The following ACTR3C variants were observed in gnomAD, a reference collection of about 807,000 sequenced individuals.
The protein encoded by ACTR3C is actin-related protein 3C.
ACTR3C carries 18 observed loss-of-function variants against 26.3 expected under a neutral mutation model. The observed-to-expected ratio is 0.68, with a 90% CI of 0.47 to 1.01. The LOEUF (loss-of-function observed/expected upper bound fraction) is 1.01. ACTR3C is among the 50% of genes least tolerant of loss of function. The pLI is 0.00. For synonymous variants in ACTR3C, 55 were observed against 94.5 expected, an observed-to-expected ratio of 0.58 and a Z score of 2.42; for missense variants, 184 against 250.7, an observed-to-expected ratio of 0.73 and a Z score of 1.80.
chr7:150,067,110 G>A, the ACTR3C span, among the ~76,000 whole-genome samples: 2 of 152,246 alleles, frequency 1.3e-5, no homozygotes, highest in Non-Finnish European at 2.9e-5. Flanking sequence ...TCTTCATGAG[G>A]AGGATGTAGA....
intron 6 of ACTR3C, among the ~76,000 whole-genome samples, chr7:150,255,723 T>C (rs1833173192): frequency 6.6e-6 from 1 of 152,284 alleles, no homozygotes; most frequent in East Asian, 1.9e-4. Context: ...TTTCACCTTA[T>C]AGTATAATTT....
At chr7:150,150,277 G>T in the ACTR3C span, among the ~76,000 whole-genome samples, 501 of 152,282 alleles carry the variant, frequency 3.3e-3, 5 homozygotes, top group East Asian at 0.049. Context: ...CCCCATATGG[G>T]TAAGCCATGC....
At chr7:149,941,140 G>A in the ACTR3C span, among the ~76,000 whole-genome samples, 1 of 152,208 alleles carries the variant, frequency 6.6e-6, no homozygotes, top group East Asian at 1.9e-4. Flanking sequence ...CCCAGCAACA[G>A]TGGGGCAAGG....
chr7:150,205,164 G>A, the ACTR3C span, among the ~76,000 whole-genome samples: 1 of 152,198 alleles, frequency 6.6e-6, no homozygotes, highest in African/African-American at 2.4e-5. Flanking sequence ...GAACTAGACA[G>A]AGTTTTGTTC....
chr7:150,080,946 A>G, the ACTR3C span, among the ~76,000 whole-genome samples: 5 of 152,218 alleles, frequency 3.3e-5, no homozygotes, highest in African/African-American at 9.6e-5. Context: ...CACCATCTTT[A>G]GAATTTGGAG....
the ACTR3C span, among the ~76,000 whole-genome samples, chr7:149,999,290 G>A: frequency 1.3e-5 from 2 of 150,800 alleles, no homozygotes; most frequent in South Asian, 2.1e-4. Flanking sequence ...AGAGGAATTC[G>A]ATCATCTGTT....
the ACTR3C span, among the ~76,000 whole-genome samples, chr7:150,038,894 C>CCT: frequency 1.3e-4 from 15 of 111,516 alleles, no homozygotes; most frequent in Non-Finnish European, 2.6e-4. Context: ...GGTGCCTCCC[C>CCT]CCTGCGATGG....
the ACTR3C span, among the ~76,000 whole-genome samples, chr7:150,118,643 C>T: frequency 6.9e-6 from 1 of 144,320 alleles, no homozygotes; most frequent in Non-Finnish European, 1.5e-5. Context: ...AGAATGGAAC[C>T]AAGTTGGAAA....
the ACTR3C span, among the ~76,000 whole-genome samples, chr7:149,908,097 C>T: frequency 9.9e-4 from 151 of 151,934 alleles, 1 homozygote; most frequent in Non-Finnish European, 4.0e-4. Flanking sequence ...GAGACACCAG[C>T]GAGGTCCCCA....
At chr7:150,182,089 C>G in the ACTR3C span, among the ~76,000 whole-genome samples, 2,200 of 150,578 alleles carry the variant, frequency 0.015, 66 homozygotes, top group Admixed American at 0.044. Flanking sequence ...CTCTTTCCTC[C>G]TTACTAAGTG....
chr7:150,186,396 A>G, the ACTR3C span, among the ~76,000 whole-genome samples: 1 of 152,176 alleles, frequency 6.6e-6, no homozygotes, highest in Non-Finnish European at 1.5e-5. Flanking sequence ...TTACAAGGAG[A>G]CACCAGGTTG....
the ACTR3C span, among the ~76,000 whole-genome samples, chr7:150,042,491 G>C: frequency 7.1e-6 from 1 of 141,584 alleles, no homozygotes. Context: ...CGCAGTCCCC[G>C]CCTCGCGGGG....
intron 1 of ACTR3C, among the ~76,000 whole-genome samples, chr7:150,298,420 A>T (rs1795125300): frequency 6.6e-6 from 1 of 150,614 alleles, no homozygotes; most frequent in African/African-American, 2.5e-5. Flanking sequence ...GTAGCATGCC[A>T]TACCAGTCCG....
chr7:150,020,012 C>T, the ACTR3C span, among the ~76,000 whole-genome samples: 1 of 152,102 alleles, frequency 6.6e-6, no homozygotes, highest in Non-Finnish European at 1.5e-5. Flanking sequence ...AATATGGTGT[C>T]TATGGAGTAT....
rs770080862 is a variant in ACTR3C at position 150,288,160 on chromosome 7, C to G, written c.297+1290G>C. Among the ~76,000 whole-genome samples the G allele has an allele frequency of 8.5e-5, 12 of 141,726 alleles. 2 individuals are homozygous for G. The highest frequency in any genetic ancestry group is 1.7e-4 in the African/African-American group (6 of 35,166). 93.0% of individuals were successfully genotyped at this position (141,726 alleles called of 152,430 possible). On this transcript the variant is annotated intron_variant, in intron 4 of 7. Coordinates refer to ENST00000683684, the MANE Select transcript of ACTR3C (RefSeq NM_001164458.2). ...AGGGCCAGGGCAGCTGATTCGGAGGCTACGAACAGTCTCTTTTACTCCCAG... is the reference window on the plus strand; with the variant it reads ...AGGGCCAGGGCAGCTGATTCGGAGGGTACGAACAGTCTCTTTTACTCCCAG...
rs950640251 is a variant in ACTR3C at position 150,286,375 on chromosome 7, G to T, written c.463C>A (p.His155Asn). Residue 155 changes from histidine (H) to asparagine (N), a missense_variant, in exon 5 of 8, where the codon CAC becomes AAC. By Grantham distance (68) the His-to-Asn change is moderately conservative. Coordinates refer to ENST00000683684, the MANE Select transcript of ACTR3C (RefSeq NM_001164458.2). ...AAAAAGAAACACCTTACCTCCGGGT[G>T]AAAGAATATTTCAGGTCCCAGGAAT... is the stretch of plus-strand genomic sequence containing the variant. Reference protein sequence around the residue: ...ERFLGPEIFFHPEFANPDSME... With the variant: ...ERFLGPEIFFNPEFANPDSME... 7.4e-6 allele frequency: 12 copies of T among 1,613,868 alleles called. No homozygotes were observed. The highest frequency in any genetic ancestry group is 9.3e-6 in the Non-Finnish European group (11 of 1,179,982).
the ACTR3C span, among the ~76,000 whole-genome samples, chr7:150,065,461 C>A: frequency 1.5e-4 from 23 of 152,310 alleles, no homozygotes; most frequent in South Asian, 8.3e-4. Context: ...AGCCTTCACG[C>A]CCTCATGAAG....
the ACTR3C span, among the ~76,000 whole-genome samples, chr7:150,155,866 T>C: frequency 6.7e-6 from 1 of 149,708 alleles, no homozygotes; most frequent in East Asian, 2.0e-4. Flanking sequence ...GCTGCCTTGG[T>C]TCTCTAATGC....
At chr7:150,021,786 G>C in the ACTR3C span, among the ~76,000 whole-genome samples, 1 of 151,992 alleles carries the variant, frequency 6.6e-6, no homozygotes, top group African/African-American at 2.4e-5. Flanking sequence ...AGGTTGCTGT[G>C]AATGCCATTG....
Sources: gnomAD v4.1 joint callset for allele counts (sites outside exome capture counted in the v4.1 genomes callset) on GRCh38, gnomAD v4.1.1 for gene constraint, MANE v1.5 for transcripts, NCBI Gene and HGNC (gene_info 2026-07-23, HGNC 2026-07-21) for gene names.